The following MAOB variants were observed in gnomAD, a reference collection of about 807,000 sequenced individuals.
The protein encoded by MAOB is monoamine oxidase B, also known as amine oxidase [flavin-containing] B.
MAOB carries 15 observed loss-of-function variants against 41.9 expected under a neutral mutation model. The ratio of observed to expected loss-of-function variants is 0.36; its 90% CI spans 0.24 to 0.55. The LOEUF (loss-of-function observed/expected upper bound fraction) is 0.55, where lower values mean the gene tolerates loss of function less well. Among genes scored for constraint, MAOB ranks in the 20% least tolerant of loss-of-function variants. MAOB has a pLI of 0.86. For synonymous variants in MAOB, 167 were observed against 144.2 expected, an observed-to-expected ratio of 1.16 and a Z score of -1.13; for missense variants, 345 against 398.7, an observed-to-expected ratio of 0.87 and a Z score of 1.15.
At chrX:43,775,300 A>G (rs771097897) in intron 11 of MAOB, 28 bp from the exon 12 acceptor site, 9 of 1,192,384 alleles carry the variant, frequency 7.5e-6, no homozygotes, top group Non-Finnish European at 1.0e-5. Flanking sequence ...AAAAACTTGA[A>G]GGAGACTCAG....
At chrX:43,768,535 T>G in intron 14 of MAOB, 119 bp downstream of exon 14, 1 of 553,216 alleles carries the variant, frequency 1.8e-6, no homozygotes, top group Non-Finnish European at 3.0e-6. Context: ...CATTCATGTT[T>G]AAATCACTTA....
chrX:43,772,815 G>C (rs2147119196), intron 12 of MAOB, among the ~76,000 whole-genome samples: 1 of 110,777 alleles, frequency 9.0e-6, no homozygotes, highest in East Asian at 2.9e-4. Flanking sequence ...GCAAGATCTG[G>C]TCACGTTAAG....
At chrX:43,778,303 C>A (rs1025883567) in intron 11 of MAOB, among the ~76,000 whole-genome samples, 1 of 110,499 alleles carries the variant, frequency 9.0e-6, no homozygotes, top group East Asian at 2.9e-4. Flanking sequence ...GGGAAAAAGC[C>A]CTTTTCATCC....
intron 8 of MAOB, among the ~76,000 whole-genome samples, chrX:43,784,304 T>G (rs967301945): frequency 8.9e-6 from 1 of 112,550 alleles, no homozygotes; most frequent in Non-Finnish European, 1.9e-5. Context: ...ATCCATCAGA[T>G]AGGCAGGAGG....
intron 3 of MAOB, among the ~76,000 whole-genome samples, chrX:43,805,760 T>C (rs747614401): frequency 2.7e-5 from 3 of 112,093 alleles, no homozygotes; most frequent in Non-Finnish European, 5.6e-5. Flanking sequence ...TGTGTACATA[T>C]GTTTTTTTCT....
intron 1 of MAOB, among the ~76,000 whole-genome samples, chrX:43,866,690 C>T (rs1162546043): frequency 1.8e-5 from 2 of 112,478 alleles, no homozygotes; most frequent in South Asian, 3.7e-4. Flanking sequence ...AAACTGTACA[C>T]CTAAAACAGT....
intron 8 of MAOB, among the ~76,000 whole-genome samples, chrX:43,792,952 G>A (rs1231646635): frequency 8.9e-6 from 1 of 111,980 alleles, no homozygotes. Flanking sequence ...AGGTGGATTA[G>A]ATAAAGAAAA....
At chrX:43,782,193 A>G (rs2034342318) in intron 8 of MAOB, among the ~76,000 whole-genome samples, 1 of 111,271 alleles carries the variant, frequency 9.0e-6, no homozygotes. Flanking sequence ...AAATCAATGA[A>G]TCCAGGAGCC....
At chrX:43,855,363 G>C (rs112178726) in intron 1 of MAOB, among the ~76,000 whole-genome samples, 2,174 of 111,224 alleles carry the variant, frequency 0.02, 45 homozygotes, top group African/African-American at 0.065. Flanking sequence ...GACCCACATA[G>C]GAGGGCACAG....
At chrX:43,804,759 A>G (rs953615631) in intron 3 of MAOB, among the ~76,000 whole-genome samples, 7 of 111,871 alleles carry the variant, frequency 6.3e-5, no homozygotes, top group Non-Finnish European at 1.3e-4. Flanking sequence ...TTTTCTCTTA[A>G]GGACTTCAAC....
chrX:43,837,615 T>G (rs1401256907), intron 3 of MAOB, among the ~76,000 whole-genome samples: 1 of 113,011 alleles, frequency 8.8e-6, no homozygotes, highest in African/African-American at 3.2e-5. Context: ...AAATGTTTCA[T>G]GATTTATGGT....
chrX:43,770,214 G>A (rs1462098212), intron 12 of MAOB, among the ~76,000 whole-genome samples: 3 of 111,041 alleles, frequency 2.7e-5, no homozygotes, highest in African/African-American at 6.6e-5. Context: ...TGATCACCAC[G>A]GGCTGTAAAT....
At chrX:43,776,527 T>A (rs749943602) in intron 11 of MAOB, among the ~76,000 whole-genome samples, 2 of 111,590 alleles carry the variant, frequency 1.8e-5, no homozygotes, top group Non-Finnish European at 3.8e-5. Context: ...AGCTTGAATA[T>A]CTACCAGGGT....
intron 10 of MAOB, 49 bp downstream of exon 10, chrX:43,780,293 G>T (rs776653384): frequency 2.9e-5 from 29 of 998,880 alleles, no homozygotes; most frequent in Middle Eastern, 2.6e-4. Context: ...GGGATGGAGT[G>T]GGGGGGAAAG....
At chrX:43,853,004 A>C (rs2035261715) in intron 1 of MAOB, among the ~76,000 whole-genome samples, 1 of 111,215 alleles carries the variant, frequency 9.0e-6, no homozygotes, top group Non-Finnish European at 1.9e-5. Context: ...AGTTACAGAA[A>C]AGTAGAAAAT....
rs890956653 is a variant in MAOB, at chrX:43,823,268, G to A, written c.279+15600C>T. On this transcript the variant is annotated intron_variant, in intron 3 of 14. Transcript: ENST00000378069. ...GCTCACTGCAACATCCACCTCCCGG[G>A]TTCCAGTGATTCTCCTGCCTCAGCC... Among the ~76,000 whole-genome samples, 3 of 104,644 alleles carry A rather than the reference G, an allele frequency of 2.9e-5. No homozygotes were observed. The East Asian group carries it at 9.2e-4, about 32-fold the overall frequency. The allele number at this position is 104,644 out of a possible 115,157, so 90.9% of individuals were successfully genotyped here.
intron 1 of MAOB, among the ~76,000 whole-genome samples, chrX:43,867,356 C>T (rs373415269): frequency 6.7e-4 from 75 of 111,863 alleles, no homozygotes; most frequent in East Asian, 2.8e-3. Flanking sequence ...TGAGAAGTGA[C>T]GTTTTAGAAT....
intron 3 of MAOB, among the ~76,000 whole-genome samples, chrX:43,832,358 CT>C (rs1186814762): frequency 8.9e-6 from 1 of 111,851 alleles, no homozygotes; most frequent in Non-Finnish European, 1.9e-5. Flanking sequence ...AATACATTTG[CT>C]TTTTTGCACA....
intron 1 of MAOB, among the ~76,000 whole-genome samples, chrX:43,848,488 T>C: frequency 9.0e-6 from 1 of 110,613 alleles, no homozygotes; most frequent in Non-Finnish European, 1.9e-5. Flanking sequence ...GTAAACTATA[T>C]AGGCATTCCC....
Sources: allele counts gnomAD v4.1 joint callset (sites outside exome capture counted in the v4.1 genomes callset), GRCh38; gene constraint gnomAD v4.1.1; transcripts MANE v1.5; gene names NCBI Gene and HGNC (gene_info 2026-07-23, HGNC 2026-07-21).